The following DOK6 variants were observed in gnomAD, a reference collection of about 807,000 sequenced individuals.
DOK6 encodes the protein docking protein 6.
DOK6 carries 22 observed loss-of-function variants against 44.0 expected under a neutral mutation model. The observed-to-expected ratio is 0.50, with a 90% CI of 0.36 to 0.71. The LOEUF (loss-of-function observed/expected upper bound fraction) is 0.71. DOK6 is among the 30% of genes least tolerant of loss of function. The pLI is 0.00. For missense variants in DOK6, 340 were observed against 416.4 expected (o/e 0.82, Z 1.60); for synonymous variants, 166 against 145.5 (o/e 1.14, Z -1.01).
chr18:69,803,918 C>A (rs7243084), intron 7 of DOK6, among the ~76,000 whole-genome samples: 26,816 of 152,036 alleles, frequency 0.18, 2,504 homozygotes, highest in East Asian at 0.28. Context: ...AGAAAAGTTG[C>A]AGGAAGAAAT....
chr18:69,511,565 A>G (rs1330993132), intron 1 of DOK6, among the ~76,000 whole-genome samples: 2 of 152,188 alleles, frequency 1.3e-5, no homozygotes, highest in Non-Finnish European at 2.9e-5. Context: ...CATTTTCCCA[A>G]TATACTATGA....
At chr18:69,575,053 C>A (rs537817588) in intron 2 of DOK6, among the ~76,000 whole-genome samples, 1 of 152,084 alleles carries the variant, frequency 6.6e-6, no homozygotes, top group South Asian at 2.1e-4. Flanking sequence ...CTAGGCTTCC[C>A]TACTGCACAG....
chr18:69,474,202 C>A (rs1447470042), intron 1 of DOK6, among the ~76,000 whole-genome samples: 3 of 152,070 alleles, frequency 2.0e-5, no homozygotes, highest in Non-Finnish European at 4.4e-5. Context: ...CTCACACACT[C>A]TCTCTCTGGT....
intron 7 of DOK6, among the ~76,000 whole-genome samples, chr18:69,840,777 T>G (rs926218041): frequency 1.3e-5 from 2 of 152,214 alleles, no homozygotes; most frequent in Non-Finnish European, 2.9e-5. Context: ...CTGGTTAGGG[T>G]AAAGCACAGC....
intron 3 of DOK6, among the ~76,000 whole-genome samples, chr18:69,649,828 C>A (rs1001945515): frequency 1.3e-5 from 2 of 152,006 alleles, no homozygotes; most frequent in African/African-American, 4.8e-5. Context: ...GTATATAAAT[C>A]TTTATGAAAT....
intron 1 of DOK6, among the ~76,000 whole-genome samples, chr18:69,557,973 T>C (rs897080708): frequency 6.6e-6 from 1 of 152,202 alleles, no homozygotes; most frequent in Non-Finnish European, 1.5e-5. Flanking sequence ...CATTAATTTA[T>C]GTCCCATTCT....
chr18:69,730,495 A>G (rs11876187), intron 5 of DOK6, among the ~76,000 whole-genome samples: 5 of 152,242 alleles, frequency 3.3e-5, no homozygotes, highest in African/African-American at 9.6e-5. Flanking sequence ...ATATCAAGGA[A>G]CAATACAAAC....
intron 1 of DOK6, among the ~76,000 whole-genome samples, chr18:69,519,090 T>A: frequency 6.6e-6 from 1 of 152,162 alleles, no homozygotes; most frequent in East Asian, 1.9e-4. Flanking sequence ...TTCCTAATAT[T>A]AAAAATAAGA....
intron 1 of DOK6, among the ~76,000 whole-genome samples, chr18:69,437,107 G>T (rs1979002161): frequency 1.3e-5 from 2 of 152,112 alleles, no homozygotes; most frequent in South Asian, 2.1e-4. Context: ...TCTGTAGGTT[G>T]CCTGTTCACT....
intron 1 of DOK6, among the ~76,000 whole-genome samples, chr18:69,432,779 T>C (rs1978844246): frequency 6.6e-6 from 1 of 152,148 alleles, no homozygotes; most frequent in African/African-American, 2.4e-5. Context: ...TGAAAGAAAA[T>C]ACAATTTTAT....
chr18:69,650,558 C>T (rs1404759323), intron 3 of DOK6, among the ~76,000 whole-genome samples: 2 of 152,066 alleles, frequency 1.3e-5, no homozygotes, highest in Non-Finnish European at 2.9e-5. Flanking sequence ...GTTAATTTTC[C>T]AACTTTTCGG....
At chr18:69,818,994 T>C (rs9319791) in intron 7 of DOK6, among the ~76,000 whole-genome samples, 133,169 of 152,230 alleles carry the variant, frequency 0.87, 59,752 homozygotes, top group Non-Finnish European at 0.98. Context: ...ACGGTGAAAA[T>C]CAAAGTTTTA....
intron 1 of DOK6, among the ~76,000 whole-genome samples, chr18:69,435,485 G>C (rs964558186): frequency 2.0e-5 from 3 of 152,132 alleles, no homozygotes; most frequent in African/African-American, 7.2e-5. Flanking sequence ...TGAATGCTGT[G>C]CTTCTGAGGG....
intron 3 of DOK6, among the ~76,000 whole-genome samples, chr18:69,617,773 CGGAG>C (rs777944326): frequency 3.9e-5 from 4 of 101,410 alleles, no homozygotes; most frequent in East Asian, 3.0e-4. Context: ...AAGGAAGGAA[CGGAG>C]GGAGGGAGGG....
intron 7 of DOK6, among the ~76,000 whole-genome samples, chr18:69,792,633 G>C (rs1980633655): frequency 6.6e-6 from 1 of 151,966 alleles, no homozygotes; most frequent in Admixed American, 6.6e-5. Flanking sequence ...CTGCAAACAA[G>C]GATAATTTAA....
intron 7 of DOK6, among the ~76,000 whole-genome samples, chr18:69,805,145 A>G (rs1315851263): frequency 6.6e-6 from 1 of 152,210 alleles, no homozygotes; most frequent in African/African-American, 2.4e-5. Context: ...CTATCAATAA[A>G]TCAGGAACTG....
At chr18:69,524,269 T>C (rs1312711243) in intron 1 of DOK6, among the ~76,000 whole-genome samples, 1 of 152,034 alleles carries the variant, frequency 6.6e-6, no homozygotes, top group Non-Finnish European at 1.5e-5. Context: ...AACTGAACAT[T>C]CTATTCAATT....
intron 5 of DOK6, among the ~76,000 whole-genome samples, chr18:69,726,265 G>A (rs1046389158): frequency 1.3e-5 from 2 of 151,838 alleles, no homozygotes; most frequent in Non-Finnish European, 2.9e-5. Flanking sequence ...ACTGAATAAC[G>A]CTCTTGTTTG....
At chr18:69,762,223 T>C (rs1024064869) in intron 7 of DOK6, among the ~76,000 whole-genome samples, 1 of 152,106 alleles carries the variant, frequency 6.6e-6, no homozygotes, top group Non-Finnish European at 1.5e-5. Flanking sequence ...ACGCCTGTAG[T>C]CCTAGCTACT....
Sources: allele counts gnomAD v4.1 joint callset (sites outside exome capture counted in the v4.1 genomes callset), GRCh38; gene constraint gnomAD v4.1.1; transcripts MANE v1.5; gene names NCBI Gene and HGNC (gene_info 2026-07-23, HGNC 2026-07-21).